The following COL4A6 variants were observed in gnomAD, a reference collection of about 807,000 sequenced individuals.
COL4A6 encodes collagen alpha-6(IV) chain.
COL4A6 carries 59 observed loss-of-function variants against 126.7 expected under a neutral mutation model. That is an observed-to-expected ratio of 0.47 (90% CI 0.38 to 0.58). COL4A6 has a LOEUF of 0.58. Ranked by LOEUF, COL4A6 falls within the 20% of genes least tolerant of loss-of-function variation. COL4A6 has a pLI of 0.00. For synonymous variants in COL4A6, 547 were observed against 496.6 expected (o/e 1.10, Z -1.35); for missense variants, 1,285 against 1,337.3 (o/e 0.96, Z 0.61).
intron 3 of COL4A6, among the ~76,000 whole-genome samples, chrX:108,234,365 G>A (rs1602884299): frequency 8.9e-6 from 1 of 111,808 alleles, no homozygotes; most frequent in Admixed American, 9.5e-5. Flanking sequence ...CCTGGGTCTG[G>A]AGTGTATTGA....
At chrX:108,425,530 C>T (rs867254340) in intron 2 of COL4A6, among the ~76,000 whole-genome samples, 2 of 109,859 alleles carry the variant, frequency 1.8e-5, no homozygotes, top group Admixed American at 2.0e-4. Flanking sequence ...GTCAGGAGAT[C>T]GAGACCATCC....
At chrX:108,206,645 GT>G (rs2148209520) in intron 8 of COL4A6, 65 bp from the exon 9 acceptor site, 1 of 908,964 alleles carries the variant, frequency 1.1e-6, no homozygotes, top group East Asian at 3.1e-5. Flanking sequence ...ATGAAAATAT[GT>G]ATGTCCACGA....
chrX:108,381,025 C>T (rs1316221725), intron 2 of COL4A6, among the ~76,000 whole-genome samples: 1 of 112,026 alleles, frequency 8.9e-6, no homozygotes, highest in African/African-American at 3.2e-5. Context: ...CTATTTGCAT[C>T]TACTCTTCAA....
chrX:108,340,717 T>C (rs1331117041), intron 2 of COL4A6, among the ~76,000 whole-genome samples: 1 of 109,951 alleles, frequency 9.1e-6, no homozygotes, highest in Non-Finnish European at 1.9e-5. Flanking sequence ...TAAAACACTT[T>C]TATGTTTCTG....
chrX:108,176,967 C>T lies in COL4A6; in HGVS notation c.2560G>A (p.Gly854Arg). The T allele has an allele frequency of 1.7e-6, 2 of 1,211,680 alleles. No homozygotes were observed. Among genetic ancestry groups the T allele is most frequent in the Non-Finnish European group, 2.2e-6 (2 of 895,368 alleles). ...GGCAGCCCTTTCTTTACAATTGATC[C>T]AGGAGGACCTTTCTTGCCTCTTGTT... ...KGTRGKKGPP[G>R]SIVKKGLPGL... Residue 854 changes from glycine (G) to arginine (R), a missense_variant, in exon 28 of 45, where the codon GGA (glycine) becomes AGA (arginine). Gly to Arg is a moderately radical substitution (Grantham distance 125, BLOSUM62 -2). Transcript: ENST00000334504.
At chrX:108,252,679 A>G (rs1489260213) in intron 3 of COL4A6, among the ~76,000 whole-genome samples, 1 of 80,580 alleles carries the variant, frequency 1.2e-5, no homozygotes, top group African/African-American at 4.5e-5. Flanking sequence ...CCTGATATTA[A>G]AACCAGACAA....
Position 108,172,450 on chromosome X carries a change from A to T in COL4A6, c.3202+19T>A. 8.5e-7 allele frequency: 1 copy of T among 1,176,795 alleles called. No individual in the cohort carries two copies. The highest frequency in any genetic ancestry group is 1.1e-6 in the Non-Finnish European group (1 of 876,071). ...TGCTCTAGAAGAAAACATTAAAAGA[A>T]AAAAAAAATGCTCCTTACCTTTCAG... is the stretch of plus-strand genomic sequence containing the variant. On this transcript the variant is annotated intron_variant, in intron 32 of 44. Transcript: ENST00000334504.
chrX:108,383,599 C>T (rs2040612001), intron 2 of COL4A6: 3 of 522,681 alleles, frequency 5.7e-6, no homozygotes, highest in Admixed American at 3.2e-5. Flanking sequence ...TTTCCCTTGT[C>T]CAGCTGAAGG....
At chrX:108,331,111 TCA>T (rs780193404) in intron 2 of COL4A6, among the ~76,000 whole-genome samples, 25 of 112,020 alleles carry the variant, frequency 2.2e-4, no homozygotes, top group African/African-American at 7.8e-4. Flanking sequence ...ATGTGTTTTG[TCA>T]CATTTTGCCA....
At chrX:108,172,563 GC>G in intron 31 of COL4A6, 31 bp from the exon 32 acceptor site, 1 of 1,146,541 alleles carries the variant, frequency 8.7e-7, no homozygotes. Flanking sequence ...CATCATTTCT[GC>G]CCAGAGCTCA....
intron 31 of COL4A6, 27 bp from the exon 32 acceptor site, chrX:108,172,559 T>C (rs766146977): frequency 8.6e-7 from 1 of 1,162,018 alleles, no homozygotes; most frequent in Non-Finnish European, 1.2e-6. Context: ...GAATCATCAT[T>C]TCTGCCCAGA....
At chrX:108,324,287 G>T (rs895119869) in intron 2 of COL4A6, among the ~76,000 whole-genome samples, 11 of 112,049 alleles carry the variant, frequency 9.8e-5, no homozygotes, top group African/African-American at 3.6e-4. Flanking sequence ...AGTTGAAACA[G>T]ATGGTGAGTT....
At chrX:108,248,263 T>C (rs762853914) in intron 3 of COL4A6, among the ~76,000 whole-genome samples, 7 of 111,691 alleles carry the variant, frequency 6.3e-5, no homozygotes, top group African/African-American at 1.6e-4. Flanking sequence ...GGTGTGCTAT[T>C]TTTCTTATAT....
intron 17 of COL4A6, among the ~76,000 whole-genome samples, chrX:108,193,336 A>G (rs921824796): frequency 3.6e-5 from 4 of 111,651 alleles, no homozygotes; most frequent in Admixed American, 9.5e-5. Context: ...GTGGTTATCA[A>G]TCCTTCCCAA....
At chrX:108,298,751 C>A (rs1324868795) in intron 3 of COL4A6, among the ~76,000 whole-genome samples, 2 of 109,326 alleles carry the variant, frequency 1.8e-5, no homozygotes, top group African/African-American at 6.7e-5. Flanking sequence ...GGCAGGCGGA[C>A]TTGCCACATT....
chrX:108,237,332 C>T (rs191927911), intron 3 of COL4A6, among the ~76,000 whole-genome samples: 1 of 111,672 alleles, frequency 9.0e-6, no homozygotes, highest in East Asian at 2.8e-4. Context: ...AGCCCTTCAC[C>T]GTTCAACTCC....
intron 37 of COL4A6, among the ~76,000 whole-genome samples, chrX:108,165,852 C>CA (rs2034113875): frequency 1.8e-5 from 2 of 112,507 alleles, no homozygotes; most frequent in Non-Finnish European, 3.8e-5. Context: ...CTGTCTGTGT[C>CA]AAAAAACACC....
At chrX:108,206,736 G>A (rs1172948411) in intron 8 of COL4A6, 156 bp from the exon 9 acceptor site, 1 of 546,354 alleles carries the variant, frequency 1.8e-6, no homozygotes, top group Non-Finnish European at 3.3e-6. Flanking sequence ...AATGATACAA[G>A]GATAAACTCT....
chrX:108,237,368 C>T (rs939357422), intron 3 of COL4A6, among the ~76,000 whole-genome samples: 3 of 111,809 alleles, frequency 2.7e-5, no homozygotes, highest in East Asian at 2.8e-4. Context: ...GCTTATTTTC[C>T]GCAAAACACC....
Sources: gnomAD v4.1 joint callset for allele counts (sites outside exome capture counted in the v4.1 genomes callset) on GRCh38, gnomAD v4.1.1 for gene constraint, MANE v1.5 for transcripts, NCBI Gene and HGNC (gene_info 2026-07-23, HGNC 2026-07-21) for gene names.